The following TEX2 variants were observed in gnomAD, a reference collection of about 807,000 sequenced individuals.
TEX2 encodes testis expressed 2.
Under a neutral mutation model 106.9 loss-of-function variants are expected in TEX2, and 53 were observed. The observed-to-expected ratio is 0.50, with a 90% CI of 0.40 to 0.62. The LOEUF (loss-of-function observed/expected upper bound fraction) is 0.62. TEX2 is among the 20% of genes least tolerant of loss of function. TEX2 has a pLI of 0.00. For missense variants in TEX2, 1,207 were observed against 1,379.0 expected, an observed-to-expected ratio of 0.88 and a Z score of 1.98; for synonymous variants, 523 against 534.8, an observed-to-expected ratio of 0.98 and a Z score of 0.30.
chr17:64,242,364 T>C (rs1216549263), intron 1 of TEX2: 3 of 152,194 alleles, frequency 2.0e-5, no homozygotes, highest in Non-Finnish European at 4.4e-5. Context: ...CCACTTTGTA[T>C]AAGGTTGTTT....
At chr17:64,181,374 G>T (rs1460520720) in intron 5 of TEX2, among the ~76,000 whole-genome samples, 3 of 151,250 alleles carry the variant, frequency 2.0e-5, no homozygotes, top group Non-Finnish European at 4.4e-5. Context: ...TACTCAGGAG[G>T]CTGAGGCAGG....
chr17:64,189,458 G>A (rs1048524689), intron 4 of TEX2, among the ~76,000 whole-genome samples: 1 of 152,188 alleles, frequency 6.6e-6, no homozygotes, highest in Admixed American at 6.5e-5. Flanking sequence ...GGCACAGTAT[G>A]TTTGGAGGCC....
chr17:64,216,774 T>TA (rs1452423997), intron 1 of TEX2, among the ~76,000 whole-genome samples: 1 of 152,212 alleles, frequency 6.6e-6, no homozygotes, highest in Non-Finnish European at 1.5e-5. Flanking sequence ...CCTGCTTGCC[T>TA]AATCCTCCAC....
intron 2 of TEX2, among the ~76,000 whole-genome samples, chr17:64,206,550 CTTTTTTTTTT>C (rs60956243): frequency 1.4e-4 from 11 of 77,186 alleles, no homozygotes; most frequent in Admixed American, 3.4e-4. Context: ...AGAGGTCTTA[CTTTTTTTTTT>C]TTTTTTTTTT....
In TEX2 at chr17:64,154,843, C is replaced by A; in HGVS notation, c.2929G>T (p.Gly977Trp). ...GCACAGAAGCACTGATCCACTCACC[C>A]TTCAGCCCCTGGGAGGAGCTGTTTG... The part of the protein sequence containing the change: ...GDKQLLPGAE[G>W]YVGGHRTSKI... Residue 977 changes from glycine (G) to tryptophan (W), a missense_variant and splice_region_variant, in exon 9 of 12, where the codon GGG becomes TGG. Gly to Trp is a radical substitution (Grantham distance 184). Around this residue, in one of 3 missense-constraint regions of TEX2, gnomAD observed 1,067 missense variants for 1,193.6 expected, o/e 0.89. Coordinates refer to ENST00000584379, the MANE Select transcript of TEX2 (RefSeq NM_001288732.2). 1.3e-6 allele frequency: 2 copies of A among 1,599,454 alleles called. No individual in the cohort carries two copies. The highest frequency in any genetic ancestry group is 1.7e-6 in the Non-Finnish European group (2 of 1,173,102).
chr17:64,151,449 A>G (rs1018558514), intron 10 of TEX2, among the ~76,000 whole-genome samples: 1 of 152,172 alleles, frequency 6.6e-6, no homozygotes, highest in Non-Finnish European at 1.5e-5. Flanking sequence ...ATGTCGATCA[A>G]TAAGGTTTGA....
At chr17:64,202,215 T>G (rs2032690121) in intron 2 of TEX2, among the ~76,000 whole-genome samples, 1 of 152,194 alleles carries the variant, frequency 6.6e-6, no homozygotes, top group Non-Finnish European at 1.5e-5. Flanking sequence ...GGAGCCCATG[T>G]TTCCTGCCCC....
At position 64,192,611 on chromosome 17, in the gene TEX2, G is replaced by A. The variant is rs148120149; in HGVS notation, c.2176+948C>T. Reference sequence around the variant, plus strand: ...CAGCCCTAGGAAATAAATATATCTAGTAATCTCCCCATTCGTCTTGATTCT... The same window carrying A: ...CAGCCCTAGGAAATAAATATATCTAATAATCTCCCCATTCGTCTTGATTCT... On this transcript the variant is annotated intron_variant, in intron 4 of 11. Transcript: ENST00000584379. 1.9e-3 allele frequency among the ~76,000 whole-genome samples: 292 copies of A among 152,316 alleles called. 1 individual carries two copies. Among genetic ancestry groups the A allele is most frequent in the African/African-American group, 5.0e-3 (208 of 41,560 alleles).
intron 1 of TEX2, among the ~76,000 whole-genome samples, chr17:64,223,250 A>G (rs1288966142): frequency 6.6e-6 from 1 of 151,984 alleles, no homozygotes; most frequent in Admixed American, 6.6e-5. Context: ...GCCATGAAAA[A>G]CCAATCAACA....
intron 6 of TEX2, among the ~76,000 whole-genome samples, chr17:64,171,758 C>G (rs1251107466): frequency 6.6e-6 from 1 of 152,044 alleles, no homozygotes; most frequent in African/African-American, 2.4e-5. Context: ...GTGGATGGAT[C>G]ACTTGAGGTC....
At chr17:64,197,050 C>A (rs534011168) in intron 2 of TEX2, among the ~76,000 whole-genome samples, 45 of 80,718 alleles carry the variant, frequency 5.6e-4, no homozygotes, top group Admixed American at 8.7e-4. Flanking sequence ...ATATTTTGTT[C>A]ATTTGTCCCT....
intron 2 of TEX2, among the ~76,000 whole-genome samples, chr17:64,203,093 CT>C (rs2032721228): frequency 6.6e-6 from 1 of 152,212 alleles, no homozygotes; most frequent in Non-Finnish European, 1.5e-5. Flanking sequence ...GGAAGAACTA[CT>C]ACCGTGCTTT....
intron 1 of TEX2, among the ~76,000 whole-genome samples, chr17:64,247,202 G>C (rs927958353): frequency 1.6e-4 from 24 of 151,756 alleles, no homozygotes; most frequent in Non-Finnish European, 2.8e-4. Flanking sequence ...CCAGGAGGTG[G>C]AGGTTGCAGT....
In TEX2 at chr17:64,188,346, TTGCTGC is replaced by T; in HGVS notation, c.2240_2245del (p.Ser747_Ser748del). 6.2e-7 allele frequency: 1 copy of T among 1,614,200 alleles called. No homozygotes were observed. The highest frequency in any genetic ancestry group is 8.5e-7 in the Non-Finnish European group (1 of 1,180,026). On this transcript the variant is annotated inframe_deletion, in exon 5 of 12. Coordinates refer to ENST00000584379, the MANE Select transcript of TEX2 (RefSeq NM_001288732.2). Reference sequence around the variant, plus strand: ...TGACATGATCTCCTCCACACTGCCTTTGCTGCTGCTGCGGCTGTGGGTCAGGTGCCC... The same window carrying T: ...TGACATGATCTCCTCCACACTGCCTTTGCTGCGGCTGTGGGTCAGGTGCCC...
Position 64,195,159 on chromosome 17 carries a change from G to A in TEX2, c.1645-64C>T. The A allele has an allele frequency of 6.8e-7, 1 of 1,463,884 alleles. No individual in the cohort carries two copies. 90.7% of individuals were successfully genotyped at this position (1,463,884 alleles called of 1,614,324 possible). A position where few individuals can be genotyped will look rare whatever the true frequency, so the allele number is the denominator to read the frequency against. On this transcript the variant is annotated intron_variant, in intron 2 of 11. Coordinates refer to ENST00000584379, the MANE Select transcript of TEX2 (RefSeq NM_001288732.2). This position sits in a 1 kb window ranked among gnomAD's most constrained non-coding sequence, Gnocchi z 4.1. ...TCGCAAATCTGATTTAGTGTGAAATGATGAACACTGTGGTATTTGGGACAC... is the reference window on the plus strand; with the variant it reads ...TCGCAAATCTGATTTAGTGTGAAATAATGAACACTGTGGTATTTGGGACAC...
At chr17:64,239,105 T>C in intron 1 of TEX2, 1 of 152,208 alleles carries the variant, frequency 6.6e-6, no homozygotes, top group East Asian at 1.9e-4. Flanking sequence ...ATGGCATAAC[T>C]ACTAATAAGG....
chr17:64,161,396 G>A (rs774709363), intron 7 of TEX2, among the ~76,000 whole-genome samples: 15 of 152,190 alleles, frequency 9.9e-5, no homozygotes, highest in Non-Finnish European at 2.1e-4. Context: ...TATGAGAACC[G>A]CTGTCTTTCT....
At chr17:64,197,319 G>GT (rs1349644567) in intron 2 of TEX2, among the ~76,000 whole-genome samples, 4 of 151,990 alleles carry the variant, frequency 2.6e-5, no homozygotes, top group African/African-American at 9.7e-5. Flanking sequence ...GACTATTTAG[G>GT]TTATCTATTT....
chr17:64,157,126 C>T (rs2030669688), intron 8 of TEX2, among the ~76,000 whole-genome samples: 1 of 152,204 alleles, frequency 6.6e-6, no homozygotes, highest in African/African-American at 2.4e-5. Flanking sequence ...AAGTGTAGCC[C>T]AGTGTTTGCC....
Sources: gnomAD v4.1 joint callset for allele counts (sites outside exome capture counted in the v4.1 genomes callset) on GRCh38, gnomAD v4.1.1 for gene constraint, gnomAD v4.1.1 regional missense constraint, Gnocchi (gnomAD v3.1) non-coding constraint, MANE v1.5 for transcripts, NCBI Gene and HGNC (gene_info 2026-07-23, HGNC 2026-07-21) for gene names.